Variants in EPHB1 observed in about 807,000 individuals in gnomAD.
EPHB1 encodes the protein ephrin type-B receptor 1.
EPHB1 carries 30 observed loss-of-function variants against 94.4 expected under a neutral mutation model. The ratio of observed to expected loss-of-function variants is 0.32; its 90% CI spans 0.24 to 0.43. The LOEUF is 0.43. Among genes scored for constraint, EPHB1 ranks in the 20% least tolerant of loss-of-function variants. EPHB1 has a pLI of 1.00. For synonymous variants in EPHB1, 522 were observed against 489.1 expected (o/e 1.07, Z -0.89); for missense variants, 1,055 against 1,308.3 (o/e 0.81, Z 2.99).
intron 3 of EPHB1, among the ~76,000 whole-genome samples, chr3:134,972,358 C>T (rs887286312): frequency 2.7e-4 from 38 of 140,972 alleles, no homozygotes; most frequent in African/African-American, 5.9e-4. Flanking sequence ...CTATATCATA[C>T]GTGTTTATAT....
At chr3:135,015,490 C>T (rs1432359519) in intron 3 of EPHB1, among the ~76,000 whole-genome samples, 1 of 152,182 alleles carries the variant, frequency 6.6e-6, no homozygotes, top group Non-Finnish European at 1.5e-5. Context: ...GATCTGCTCG[C>T]CTCTGCCTCC....
rs555958638 is a variant in EPHB1 at position 134,811,557 on chromosome 3, CT to C, written c.58+15879del. 1.7e-3 allele frequency among the ~76,000 whole-genome samples: 248 copies of C among 147,800 alleles called. 1 individual carries two copies. Among genetic ancestry groups the C allele is most frequent in the African/African-American group, 3.4e-3 (137 of 40,572 alleles). On this transcript the variant is annotated intron_variant, in intron 1 of 15. Transcript: ENST00000398015. ...CCCGGCCTAAGAAGCCTTTTTAAGA[CT>C]TTTTTTTTTTCCTGACCACCCCACA...
Position 135,039,877 on chromosome 3 carries a change from G to T in EPHB1, c.806-66571G>T, listed in dbSNP as rs180852791. Among the ~76,000 whole-genome samples the T allele has an allele frequency of 6.1e-3, 933 of 152,312 alleles. 4 individuals are homozygous for T. Among genetic ancestry groups the T allele is most frequent in the Non-Finnish European group, 0.011 (744 of 68,024 alleles). ...GAAAGGGGCTCCCACAGTGCAGTGG[G>T]GGGGCTGAAGGGCTCCTCAAATGCC... On this transcript the variant is annotated intron_variant, in intron 3 of 15. Transcript: ENST00000398015.
At chr3:135,218,306 C>T (rs988382562) in intron 12 of EPHB1, among the ~76,000 whole-genome samples, 2 of 152,212 alleles carry the variant, frequency 1.3e-5, no homozygotes, top group African/African-American at 2.4e-5. Context: ...CTTCTTCAGG[C>T]AGATTTGGCT....
chr3:134,824,073 C>G lies in EPHB1; in HGVS notation c.58+28384C>G, dbSNP rs561180571. ...CTTGCAAACTCAGAATAATCAAAAA[C>G]AAATACAATTTCTCTGAGTTTTCTC... On this transcript the variant is annotated intron_variant, in intron 1 of 15. Coordinates refer to ENST00000398015, the MANE Select transcript of EPHB1 (RefSeq NM_004441.5). Among the ~76,000 whole-genome samples the G allele has an allele frequency of 4.0e-5, 6 of 148,440 alleles. No homozygotes were observed. The East Asian group carries it at 8.0e-4, about 20-fold the overall frequency.
chr3:135,084,628 G>A (rs1010782864), intron 3 of EPHB1, among the ~76,000 whole-genome samples: 1 of 152,168 alleles, frequency 6.6e-6, no homozygotes, highest in Non-Finnish European at 1.5e-5. Flanking sequence ...GAGAAGGTGA[G>A]TCACACTCAT....
intron 3 of EPHB1, among the ~76,000 whole-genome samples, chr3:134,988,754 G>T (rs1317844067): frequency 1.3e-5 from 2 of 152,076 alleles, no homozygotes; most frequent in Non-Finnish European, 2.9e-5. Flanking sequence ...ATGAAATTCT[G>T]GTATCCTTGA....
At chr3:135,156,920 C>T (rs1259008234) in intron 6 of EPHB1, among the ~76,000 whole-genome samples, 1 of 152,306 alleles carries the variant, frequency 6.6e-6, no homozygotes, top group Non-Finnish European at 1.5e-5. Flanking sequence ...CCACCCAGTC[C>T]CCCTTCCCAC....
intron 3 of EPHB1, among the ~76,000 whole-genome samples, chr3:134,970,735 G>C (rs1343635285): frequency 6.6e-6 from 1 of 152,126 alleles, no homozygotes; most frequent in African/African-American, 2.4e-5. Flanking sequence ...AGTTGCTGGG[G>C]CTCCAAGGCC....
intron 2 of EPHB1, among the ~76,000 whole-genome samples, chr3:134,932,304 C>T (rs1025140284): frequency 1.3e-5 from 2 of 152,190 alleles, no homozygotes; most frequent in Non-Finnish European, 2.9e-5. Context: ...TGTGCGCTGT[C>T]TAGGCCACTT....
At chr3:134,891,625 A>G (rs73217035) in intron 1 of EPHB1, among the ~76,000 whole-genome samples, 8,184 of 152,344 alleles carry the variant, frequency 0.054, 271 homozygotes, top group South Asian at 0.12. Context: ...ATGGTTAATT[A>G]TATAATAGAT....
chr3:135,101,242 T>C (rs1213915461), intron 3 of EPHB1, among the ~76,000 whole-genome samples: 2 of 152,234 alleles, frequency 1.3e-5, no homozygotes, highest in Non-Finnish European at 2.9e-5. Context: ...CTGGGCACTT[T>C]ATGACCTAAT....
chr3:135,044,759 A>G lies in EPHB1; in HGVS notation c.806-61689A>G, dbSNP rs145275098. Among the ~76,000 whole-genome samples the G allele has an allele frequency of 2.5e-3, 387 of 152,322 alleles. 1 individual carries two copies. The highest frequency in any genetic ancestry group is 4.2e-3 in the Non-Finnish European group (286 of 68,020). On this transcript the variant is annotated intron_variant, in intron 3 of 15. Transcript: ENST00000398015. ...ATATTAACTAGGTCTTTAATATCCT[A>G]ACATATTTGGTTGTTTTTAAAGCGG...
At chr3:134,971,280 C>T (rs185462630) in intron 3 of EPHB1, among the ~76,000 whole-genome samples, 1 of 152,308 alleles carries the variant, frequency 6.6e-6, no homozygotes, top group Admixed American at 6.5e-5. Flanking sequence ...TTCTTGTTCT[C>T]TGCAAATGGA....
intron 3 of EPHB1, among the ~76,000 whole-genome samples, chr3:134,990,695 T>A (rs962906375): frequency 2.0e-5 from 3 of 152,348 alleles, no homozygotes; most frequent in African/African-American, 2.4e-5. Context: ...CATTCTCCTG[T>A]ATATTTTAAA....
intron 8 of EPHB1, among the ~76,000 whole-genome samples, chr3:135,166,305 AT>A: frequency 6.6e-6 from 1 of 152,294 alleles, no homozygotes; most frequent in South Asian, 2.1e-4. Flanking sequence ...CTCAAACCTC[AT>A]TTTAACGAAG....
At chr3:134,995,655 T>G (rs1273778157) in intron 3 of EPHB1, among the ~76,000 whole-genome samples, 2 of 152,154 alleles carry the variant, frequency 1.3e-5, no homozygotes, top group Non-Finnish European at 2.9e-5. Flanking sequence ...CAACAAATGC[T>G]GGTGAGAATG....
At chr3:135,010,191 T>C (rs1168789839) in intron 3 of EPHB1, among the ~76,000 whole-genome samples, 1 of 152,232 alleles carries the variant, frequency 6.6e-6, no homozygotes, top group African/African-American at 2.4e-5. Context: ...TACAAGTTAT[T>C]TTAATTTCTG....
chr3:135,039,648 C>T lies in EPHB1; in HGVS notation c.806-66800C>T, dbSNP rs111283296. 5.5e-3 allele frequency among the ~76,000 whole-genome samples: 842 copies of T among 152,360 alleles called. 7 individuals are homozygous for T. Among genetic ancestry groups the T allele is most frequent in the African/African-American group, 0.019 (775 of 41,588 alleles). On this transcript the variant is annotated intron_variant, in intron 3 of 15. Transcript: ENST00000398015. Reference sequence around the variant, plus strand: ...GCCGGCACTGCTGGTGGACTCAGTACACCCTCCGCAGCCACTGGCCCGGCT... The same window carrying T: ...GCCGGCACTGCTGGTGGACTCAGTATACCCTCCGCAGCCACTGGCCCGGCT...
Sources: gnomAD v4.1 joint callset for allele counts (sites outside exome capture counted in the v4.1 genomes callset) on GRCh38, gnomAD v4.1.1 for gene constraint, MANE v1.5 for transcripts, NCBI Gene and HGNC (gene_info 2026-07-23, HGNC 2026-07-21) for gene names.